SLC10A7: variants seen among roughly 807,000 people sequenced by gnomAD.
The protein encoded by SLC10A7 is solute carrier family 10 member 7, also known as sodium/bile acid cotransporter 7.
SLC10A7 carries 29 observed loss-of-function variants against 43.2 expected under a neutral mutation model. That is an observed-to-expected ratio of 0.67 (90% CI 0.50 to 0.92). The LOEUF is 0.92. Among genes scored for constraint, SLC10A7 ranks in the 40% least tolerant of loss-of-function variants. SLC10A7 has a pLI of 0.00. For synonymous variants in SLC10A7, 152 were observed against 144.8 expected (o/e 1.05, Z -0.35); for missense variants, 295 against 403.2 (o/e 0.73, Z 2.30).
intron 5 of SLC10A7, among the ~76,000 whole-genome samples, chr4:146,418,769 C>T (rs1001885177): frequency 6.6e-6 from 1 of 152,168 alleles, no homozygotes; most frequent in Admixed American, 6.6e-5. Context: ...TCTCCACCTG[C>T]AGAGAGTGTC....
At position 146,254,475 on chromosome 4, in the gene SLC10A7, A is replaced by G. The variant is rs1727797329; in HGVS notation, c.*2016T>C. Reference sequence around the variant, plus strand: ...AAATATGCCAAGGAATTTGTGTAAAAAAAAGAAATAGGCATAAACATATCA... The same window carrying G: ...AAATATGCCAAGGAATTTGTGTAAAGAAAAGAAATAGGCATAAACATATCA... On this transcript the variant is annotated 3_prime_UTR_variant, in exon 12 of 12. Coordinates refer to ENST00000335472, the MANE Select transcript of SLC10A7 (RefSeq NM_001029998.6). The G allele has an allele frequency of 6.6e-6, 1 of 152,212 alleles. No individual in the cohort carries two copies. Among genetic ancestry groups the G allele is most frequent in the Non-Finnish European group, 1.5e-5 (1 of 68,034 alleles). The allele number at this position is 152,212 out of a possible 1,614,324, so 9.4% of individuals were successfully genotyped here.
chr4:146,486,565 A>G (rs1169053551), intron 4 of SLC10A7, among the ~76,000 whole-genome samples: 1 of 152,220 alleles, frequency 6.6e-6, no homozygotes, highest in African/African-American at 2.4e-5. Flanking sequence ...ATGGTGTCTT[A>G]CAGTTCCAGA....
At chr4:146,348,223 T>C (rs1008369044) in intron 5 of SLC10A7, among the ~76,000 whole-genome samples, 1 of 152,192 alleles carries the variant, frequency 6.6e-6, no homozygotes, top group Admixed American at 6.5e-5. Flanking sequence ...GTGAGAGTTT[T>C]CATTCTAAAT....
chr4:146,411,422 T>C (rs760115987), intron 5 of SLC10A7, among the ~76,000 whole-genome samples: 1 of 152,192 alleles, frequency 6.6e-6, no homozygotes, highest in Non-Finnish European at 1.5e-5. Flanking sequence ...ATCTGTTTTG[T>C]CTTTAAATAA....
At chr4:146,367,325 T>A (rs1198121374) in intron 5 of SLC10A7, among the ~76,000 whole-genome samples, 2 of 152,186 alleles carry the variant, frequency 1.3e-5, no homozygotes, top group East Asian at 1.9e-4. Flanking sequence ...TAATGACATG[T>A]TCTATTATAT....
chr4:146,306,338 G>C (rs1362741770), intron 6 of SLC10A7, among the ~76,000 whole-genome samples: 3 of 152,062 alleles, frequency 2.0e-5, no homozygotes, highest in African/African-American at 7.2e-5. Flanking sequence ...TACAGGTTAT[G>C]TGATTTTTAT....
At position 146,327,446 on chromosome 4, in the gene SLC10A7, G is replaced by A. The variant is rs75500829; in HGVS notation, c.436-1450C>T. 6.9e-3 allele frequency among the ~76,000 whole-genome samples: 1,057 copies of A among 152,234 alleles called. 15 individuals are homozygous for A. The highest frequency in any genetic ancestry group is 0.024 in the African/African-American group (997 of 41,524). On this transcript the variant is annotated intron_variant, in intron 5 of 11. Coordinates refer to ENST00000335472, the MANE Select transcript of SLC10A7 (RefSeq NM_001029998.6). ...TAAATGACAAATAACTGATAACTTC[G>A]AAGGGCTACTGTCCTTCAATGACTT... is the stretch of plus-strand genomic sequence containing the variant.
intron 5 of SLC10A7, among the ~76,000 whole-genome samples, chr4:146,407,760 T>C (rs1727837019): frequency 1.3e-5 from 2 of 152,188 alleles, no homozygotes; most frequent in Non-Finnish European, 2.9e-5. Flanking sequence ...CAATCTAGGA[T>C]ATGACTCACT....
At chr4:146,482,940 C>T (rs949418160) in intron 4 of SLC10A7, among the ~76,000 whole-genome samples, 3 of 151,568 alleles carry the variant, frequency 2.0e-5, no homozygotes, top group Admixed American at 6.6e-5. Context: ...ATGATATATT[C>T]AAAGTACTGA....
chr4:146,501,577 C>A (rs1736423719), intron 4 of SLC10A7, among the ~76,000 whole-genome samples: 1 of 152,148 alleles, frequency 6.6e-6, no homozygotes, highest in South Asian at 2.1e-4. Context: ...GGTAGACCTA[C>A]AAGACAGTAG....
intron 4 of SLC10A7, among the ~76,000 whole-genome samples, chr4:146,470,407 T>C (rs935223946): frequency 1.2e-4 from 18 of 151,600 alleles, no homozygotes; most frequent in African/African-American, 3.4e-4. Flanking sequence ...CATATATAAA[T>C]ATATACACAT....
chr4:146,482,196 C>G (rs1460724259), intron 4 of SLC10A7, among the ~76,000 whole-genome samples: 1 of 152,034 alleles, frequency 6.6e-6, no homozygotes, highest in Admixed American at 6.6e-5. Flanking sequence ...TGCAAAAACA[C>G]AAGACACATG....
intron 5 of SLC10A7, among the ~76,000 whole-genome samples, chr4:146,352,472 A>G (rs1735198101): frequency 6.9e-6 from 1 of 144,478 alleles, no homozygotes; most frequent in African/African-American, 2.6e-5. Flanking sequence ...CATTAGACAG[A>G]TCAACGAGAC....
chr4:146,442,950 G>A (rs1430955859), intron 4 of SLC10A7, 129 bp from the exon 5 acceptor site: 6 of 669,960 alleles, frequency 9.0e-6, no homozygotes, highest in Non-Finnish European at 9.8e-6. Context: ...AGCAAAGTTA[G>A]TCACTGCTTA....
chr4:146,508,783 T>A (rs1370101974), intron 3 of SLC10A7, among the ~76,000 whole-genome samples: 1 of 152,184 alleles, frequency 6.6e-6, no homozygotes, highest in Admixed American at 6.5e-5. Flanking sequence ...AGAAGAATCA[T>A]TTGCAAACAT....
chr4:146,502,686 T>C (rs1434945316), intron 4 of SLC10A7, among the ~76,000 whole-genome samples: 1 of 152,226 alleles, frequency 6.6e-6, no homozygotes, highest in Non-Finnish European at 1.5e-5. Context: ...GCAAAAAAGA[T>C]ACTGAATTAT....
chr4:146,518,435 G>C (rs1161264972), intron 1 of SLC10A7, among the ~76,000 whole-genome samples: 1 of 152,062 alleles, frequency 6.6e-6, no homozygotes, highest in Non-Finnish European at 1.5e-5. Flanking sequence ...AAATTATCAT[G>C]TTCAAAATGT....
Position 146,491,634 on chromosome 4 carries a change from C to T in SLC10A7, c.396+12215G>A, listed in dbSNP as rs573576694. Among the ~76,000 whole-genome samples the T allele has an allele frequency of 6.2e-5, 9 of 145,854 alleles. No individual in the cohort carries two copies. The Admixed American group carries it at 6.3e-4, about 10-fold the overall frequency. ...TTTTGGAAAACTTTTCAGTTTCTGC[C>T]TGTGTGAAGAAAGAAAGGAAGGAGG... On this transcript the variant is annotated intron_variant, in intron 4 of 11. Transcript: ENST00000335472.
intron 11 of SLC10A7, among the ~76,000 whole-genome samples, chr4:146,258,209 T>A (rs1465431869): frequency 1.3e-5 from 2 of 152,236 alleles, no homozygotes; most frequent in Non-Finnish European, 2.9e-5. Context: ...GTTTATTTTT[T>A]AATGCCCAAA....
Sources: gnomAD v4.1 joint callset for allele counts (sites outside exome capture counted in the v4.1 genomes callset) on GRCh38, gnomAD v4.1.1 for gene constraint, MANE v1.5 for transcripts, NCBI Gene and HGNC (gene_info 2026-07-23, HGNC 2026-07-21) for gene names.